Variants in MMD2 observed in about 807,000 individuals in gnomAD.
The protein encoded by MMD2 is monocyte to macrophage differentiation factor 2.
MMD2 carries 30 observed loss-of-function variants against 33.5 expected under a neutral mutation model. That is an observed-to-expected ratio of 0.90 (90% CI 0.67 to 1.22). The LOEUF (loss-of-function observed/expected upper bound fraction) is 1.22, where lower values mean the gene tolerates loss of function less well. Among genes scored for constraint, MMD2 ranks in the 50% most tolerant of loss-of-function variants. The probability of loss-of-function intolerance (pLI) is 0.00; values close to 1 mark genes in which losing one functional copy is unlikely to be tolerated. For missense variants in MMD2, 364 were observed against 325.4 expected (o/e 1.12, Z -0.91); for synonymous variants, 129 against 123.0 (o/e 1.05, Z -0.32).
intron 1 of MMD2, among the ~76,000 whole-genome samples, chr7:4,950,057 C>A (rs944661466): frequency 6.8e-6 from 1 of 146,850 alleles, no homozygotes; most frequent in Non-Finnish European, 1.5e-5. Context: ...AATTTGCTGT[C>A]ATTAAGTACA....
chr7:4,917,469 C>G (rs1785169512), intron 3 of MMD2, among the ~76,000 whole-genome samples: 1 of 152,000 alleles, frequency 6.6e-6, no homozygotes, highest in Admixed American at 6.6e-5. Flanking sequence ...TGAGACCAGC[C>G]TGGCTAACAT....
chr7:4,933,142 G>A (rs1033898090), intron 1 of MMD2, among the ~76,000 whole-genome samples: 2 of 152,062 alleles, frequency 1.3e-5, no homozygotes, highest in Non-Finnish European at 2.9e-5. Flanking sequence ...TTGGGAGGCC[G>A]AGGCGAGAGG....
chr7:4,916,005 C>T lies in MMD2; in HGVS notation c.365G>A (p.Trp122Ter), dbSNP rs753999001. ...YFFIAASYAP[W>*]LNLRELGPWA... ...TGCTGGGCGGCGGGACGGTACTCACCAGGGTGCGTAGGAAGCCGCTATGAA... is the reference window on the plus strand; with the variant it reads ...TGCTGGGCGGCGGGACGGTACTCACTAGGGTGCGTAGGAAGCCGCTATGAA... The change falls in exon 4 of 7, where the codon TGG (tryptophan) becomes TAG (stop). Residue 122 changes from tryptophan (W) to a stop codon, truncating the protein, a stop_gained and splice_region_variant. Coordinates refer to ENST00000401401, the MANE Select transcript of MMD2 (RefSeq NM_198403.4). LOFTEE classifies it high-confidence loss of function. 3 of 1,613,788 alleles carry T rather than the reference C, an allele frequency of 1.9e-6. No individual in the cohort carries two copies. The highest frequency in any genetic ancestry group is 2.2e-5 in the East Asian group (1 of 44,868).
intron 2 of MMD2, among the ~76,000 whole-genome samples, chr7:4,920,927 A>T (rs1785267491): frequency 6.6e-6 from 1 of 152,108 alleles, no homozygotes; most frequent in Non-Finnish European, 1.5e-5. Context: ...TATAATGCCC[A>T]GGCTGGTCTT....
intron 3 of MMD2, among the ~76,000 whole-genome samples, chr7:4,917,415 A>C (rs1785168651): frequency 6.6e-6 from 1 of 152,146 alleles, no homozygotes; most frequent in Admixed American, 6.6e-5. Flanking sequence ...TAATCCCAGC[A>C]CTTTGGGAGG....
chr7:4,895,327 C>T, the MMD2 span, among the ~76,000 whole-genome samples: 6 of 152,278 alleles, frequency 3.9e-5, no homozygotes, highest in East Asian at 9.7e-4. Context: ...CCGCCCTCCT[C>T]GGCCTCCCAA....
At chr7:4,918,393 GC>G (rs1562479715) in intron 3 of MMD2, among the ~76,000 whole-genome samples, 1 of 152,108 alleles carries the variant, frequency 6.6e-6, no homozygotes, top group Non-Finnish European at 1.5e-5. Context: ...TTTATGGGGG[GC>G]CTGGATTCCC....
At chr7:4,898,841 G>A in the MMD2 span, among the ~76,000 whole-genome samples, 2 of 152,280 alleles carry the variant, frequency 1.3e-5, no homozygotes, top group South Asian at 4.1e-4. Context: ...AGAGGTTGCA[G>A]TGAGCCAAGA....
the MMD2 span, among the ~76,000 whole-genome samples, chr7:4,899,540 A>G: frequency 1.3e-5 from 2 of 152,030 alleles, no homozygotes; most frequent in Non-Finnish European, 2.9e-5. Flanking sequence ...GGCATAAGCC[A>G]CTGTGCCCAG....
At chr7:4,913,371 A>G (rs1785062545) in intron 4 of MMD2, among the ~76,000 whole-genome samples, 1 of 152,212 alleles carries the variant, frequency 6.6e-6, no homozygotes. Context: ...TTTCTTCACC[A>G]TAAAATTCAC....
chr7:4,923,657 T>C lies in MMD2; in HGVS notation c.129+1794A>G, dbSNP rs113736794. Among the ~76,000 whole-genome samples the C allele has an allele frequency of 7.4e-4, 112 of 152,238 alleles. 1 individual carries two copies. Among genetic ancestry groups the C allele is most frequent in the African/African-American group, 2.5e-3 (103 of 41,542 alleles). On this transcript the variant is annotated intron_variant, in intron 2 of 6. Transcript: ENST00000401401. ...TGTAGACTTGTGTCGATGAGTTAGC[T>C]TGTGGCTTTGGGCAGATTCTCTCAC...
At chr7:4,909,272 A>T (rs1430261864) in intron 6 of MMD2, among the ~76,000 whole-genome samples, 1 of 151,836 alleles carries the variant, frequency 6.6e-6, no homozygotes, top group Non-Finnish European at 1.5e-5. Flanking sequence ...GCTTAAGCCC[A>T]GGAGATCGAG....
chr7:4,894,593 G>C, the MMD2 span, among the ~76,000 whole-genome samples: 2 of 152,240 alleles, frequency 1.3e-5, no homozygotes, highest in Non-Finnish European at 2.9e-5. This position sits in a 1 kb window ranked among gnomAD's most constrained non-coding sequence, Gnocchi z 4.3. Flanking sequence ...AGATGGGATA[G>C]TTCCCTTGAC....
chr7:4,930,999 C>T (rs1231597024), intron 1 of MMD2, among the ~76,000 whole-genome samples: 15 of 151,996 alleles, frequency 9.9e-5, no homozygotes, highest in South Asian at 4.2e-4. Flanking sequence ...TACAGGCGCC[C>T]GCCACCAGGC....
chr7:4,942,877 G>A (rs567772916), intron 1 of MMD2, among the ~76,000 whole-genome samples: 24 of 150,326 alleles, frequency 1.6e-4, no homozygotes, highest in Admixed American at 9.9e-4. Context: ...TCAGCCTCCC[G>A]AAGTGCTGGG....
intron 1 of MMD2, among the ~76,000 whole-genome samples, chr7:4,952,718 G>A (rs1310691182): frequency 1.4e-5 from 2 of 138,140 alleles, no homozygotes; most frequent in African/African-American, 2.7e-5. Context: ...TTGAGACAGA[G>A]TCTTGCTCTG....
intron 1 of MMD2, among the ~76,000 whole-genome samples, chr7:4,927,460 G>A (rs1411426469): frequency 1.3e-5 from 2 of 151,978 alleles, no homozygotes; most frequent in Admixed American, 6.6e-5. Flanking sequence ...CAGAAGAATC[G>A]CTTGAGGGAG....
intron 1 of MMD2, among the ~76,000 whole-genome samples, chr7:4,933,675 C>A (rs1213754387): frequency 6.6e-6 from 1 of 151,914 alleles, no homozygotes; most frequent in African/African-American, 2.4e-5. Flanking sequence ...GTCTATCACC[C>A]TGGCTGGAGT....
At chr7:4,927,926 G>A (rs967284688) in intron 1 of MMD2, among the ~76,000 whole-genome samples, 3 of 152,130 alleles carry the variant, frequency 2.0e-5, no homozygotes, top group Admixed American at 2.0e-4. Context: ...TGACTCCGAC[G>A]TCTGGTTCTG....
Sources: gnomAD v4.1 joint callset for allele counts (sites outside exome capture counted in the v4.1 genomes callset) on GRCh38, gnomAD v4.1.1 for gene constraint, Gnocchi (gnomAD v3.1) non-coding constraint, MANE v1.5 for transcripts, NCBI Gene and HGNC (gene_info 2026-07-23, HGNC 2026-07-21) for gene names.